Variants in MYO1H observed in about 807,000 individuals in gnomAD.
MYO1H encodes unconventional myosin-Ih.
MYO1H carries 118 observed loss-of-function variants against 149.3 expected under a neutral mutation model. That is an observed-to-expected ratio of 0.79 (90% CI 0.68 to 0.92). The LOEUF (loss-of-function observed/expected upper bound fraction) is 0.92, where lower values mean the gene tolerates loss of function less well. MYO1H is among the 40% of genes least tolerant of loss of function. The pLI, the probability that MYO1H is intolerant of heterozygous loss-of-function variation, is 0.00. For synonymous variants in MYO1H, 447 were observed against 465.2 expected (o/e 0.96, Z 0.50); for missense variants, 1,212 against 1,280.7 (o/e 0.95, Z 0.82).
At chr12:109,324,261 C>A in the MYO1H span, among the ~76,000 whole-genome samples, 2 of 152,150 alleles carry the variant, frequency 1.3e-5, no homozygotes, top group African/African-American at 4.8e-5. Flanking sequence ...CCTCAGGGGG[C>A]CACATGCTGC....
the MYO1H span, among the ~76,000 whole-genome samples, chr12:109,330,359 A>G: frequency 6.6e-6 from 1 of 152,228 alleles, no homozygotes; most frequent in African/African-American, 2.4e-5. Context: ...CTTAAATGAT[A>G]CTGTCGTTAT....
intron 1 of MYO1H, among the ~76,000 whole-genome samples, chr12:109,364,037 C>CA (rs752415847): frequency 6.6e-6 from 1 of 150,956 alleles, no homozygotes; most frequent in African/African-American, 2.4e-5. Flanking sequence ...CCATCTCTAC[C>CA]AAAAAATACA....
intron 5 of MYO1H, among the ~76,000 whole-genome samples, chr12:109,398,741 C>CAAAA (rs35031072): frequency 1.3e-3 from 67 of 51,816 alleles, no homozygotes; most frequent in Admixed American, 2.7e-3. Flanking sequence ...AACTTCCTCT[C>CAAAA]AAAAAAAAAA....
the MYO1H span, among the ~76,000 whole-genome samples, chr12:109,338,414 C>T: frequency 6.6e-6 from 1 of 152,166 alleles, no homozygotes; most frequent in Non-Finnish European, 1.5e-5. Flanking sequence ...CTGACCACCC[C>T]TGTCTCTCCA....
intron 30 of MYO1H, among the ~76,000 whole-genome samples, chr12:109,445,033 T>C (rs1299816659): frequency 6.6e-6 from 1 of 152,212 alleles, no homozygotes; most frequent in African/African-American, 2.4e-5. Flanking sequence ...TCCGTCTTCA[T>C]CCCTGGGATC....
intron 1 of MYO1H, among the ~76,000 whole-genome samples, chr12:109,381,565 G>T (rs1869205314): frequency 2.0e-5 from 3 of 152,198 alleles, no homozygotes; most frequent in Admixed American, 2.0e-4. Context: ...AGCACTTTGG[G>T]AGGCCAAGGT....
In MYO1H at chr12:109,375,339, G is replaced by A. The variant is rs562923719; in HGVS notation, c.13-13344G>A. ...AGCTAATTTTCATATTTTTTGTAGA[G>A]ATGGGGTTTTGCCATGTTGCCCACA... On this transcript the variant is annotated intron_variant, in intron 1 of 31. Coordinates refer to ENST00000310903, the Ensembl canonical transcript of MYO1H. Among the ~76,000 whole-genome samples, 292 of 152,138 alleles carry A rather than the reference G, an allele frequency of 1.9e-3. 1 individual carries two copies. The highest frequency in any genetic ancestry group is 3.9e-3 in the Admixed American group (60 of 15,290).
At chr12:109,383,112 A>G (rs1869238907) in intron 1 of MYO1H, among the ~76,000 whole-genome samples, 1 of 152,112 alleles carries the variant, frequency 6.6e-6, no homozygotes, top group Non-Finnish European at 1.5e-5. Flanking sequence ...GGGGCAACCC[A>G]GTGAAACTCT....
chr12:109,363,447 C>T (rs1272231557), intron 1 of MYO1H, among the ~76,000 whole-genome samples: 2 of 152,188 alleles, frequency 1.3e-5, no homozygotes, highest in Non-Finnish European at 2.9e-5. Context: ...GGCGCGGTGG[C>T]TCACGCCTGT....
upstream of MYO1H, among the ~76,000 whole-genome samples, chr12:109,344,089 T>C (rs146722621): frequency 6.6e-6 from 1 of 152,182 alleles, no homozygotes; most frequent in Non-Finnish European, 1.5e-5. Flanking sequence ...TGCCCCAATA[T>C]TTAAATTTGT....
At chr12:109,419,736 G>A (rs1273171688) in intron 15 of MYO1H, among the ~76,000 whole-genome samples, 2 of 151,780 alleles carry the variant, frequency 1.3e-5, no homozygotes, top group Admixed American at 1.3e-4. Context: ...TATTTGTGTA[G>A]AGACAGGCTA....
rs1555254297 is a variant in MYO1H, at chr12:109,427,909, A to AATATATATATAT, written c.1949+340_1949+351dup. On this transcript the variant is annotated intron_variant, in intron 19 of 31. Coordinates refer to ENST00000310903, the Ensembl canonical transcript of MYO1H. ...AAAAAAAAAAAAAAAAAAAAAAAAA[A>AATATATATATAT]ATATATATATATATATATATATATA... is the stretch of plus-strand genomic sequence containing the variant. Among the ~76,000 whole-genome samples, 51 of 16,394 alleles carry AATATATATATAT rather than the reference A, an allele frequency of 3.1e-3. 1 individual carries two copies. The highest frequency in any genetic ancestry group is 4.2e-3 in the East Asian group (1 of 236). The allele number at this position is 16,394 out of a possible 152,430, so 10.8% of individuals were successfully genotyped here.
the MYO1H span, among the ~76,000 whole-genome samples, chr12:109,311,512 G>C: frequency 6.6e-6 from 1 of 152,190 alleles, no homozygotes; most frequent in East Asian, 1.9e-4. Context: ...GGTCACCTGG[G>C]GTGAAATCAG....
chr12:109,407,859 T>C, exon 10 of MYO1H: 1 of 1,614,022 alleles, frequency 6.2e-7, no homozygotes, highest in East Asian at 2.2e-5. Flanking sequence ...AGGCTGTTTA[T>C]GGACGAACGT....
chr12:109,436,475 G>C lies in MYO1H; in HGVS notation c.2141-13G>C, dbSNP rs1287803212. 1 of 1,604,000 alleles carries C rather than the reference G, an allele frequency of 6.2e-7. No homozygotes were observed. On this transcript the variant is annotated splice_polypyrimidine_tract_variant and intron_variant, in intron 21 of 31. Coordinates refer to ENST00000310903, the Ensembl canonical transcript of MYO1H. The stretch of plus-strand genomic sequence containing the variant: ...GCAAAGCCATTTCACCAAAACGTCT[G>C]TTTTATTTTAAGTTGCAAGAATCCA...
At chr12:109,350,537 C>T (rs1868442894) in intron 1 of MYO1H, among the ~76,000 whole-genome samples, 1 of 152,164 alleles carries the variant, frequency 6.6e-6, no homozygotes, top group African/African-American at 2.4e-5. Context: ...TCCCCAGCCA[C>T]GTGGAACTGT....
chr12:109,348,274 C>T (rs1201708038), intron 1 of MYO1H, among the ~76,000 whole-genome samples: 1 of 152,206 alleles, frequency 6.6e-6, no homozygotes. Context: ...TCTCTGTTAG[C>T]ACTGCCTAAT....
intron 4 of MYO1H, among the ~76,000 whole-genome samples, 191 bp downstream of exon 4, chr12:109,396,773 A>G (rs1267915372): frequency 7.2e-6 from 1 of 139,492 alleles, no homozygotes; most frequent in East Asian, 2.2e-4. Flanking sequence ...GTCTGCTTAT[A>G]GTACCTACCT....
chr12:109,340,256 C>T, the MYO1H span, among the ~76,000 whole-genome samples: 2 of 152,162 alleles, frequency 1.3e-5, no homozygotes, highest in East Asian at 3.8e-4. Flanking sequence ...TCTCAGCTCA[C>T]TGCAACCTCT....
Sources: gnomAD v4.1 joint callset for allele counts (sites outside exome capture counted in the v4.1 genomes callset) on GRCh38, gnomAD v4.1.1 for gene constraint, MANE v1.5 for transcripts, NCBI Gene and HGNC (gene_info 2026-07-23, HGNC 2026-07-21) for gene names.